The following FGF1 variants were observed in gnomAD, a reference collection of about 807,000 sequenced individuals.
FGF1 encodes fibroblast growth factor 1.
FGF1 carries 9 observed loss-of-function variants against 13.4 expected under a neutral mutation model. The observed-to-expected ratio is 0.67, with a 90% CI of 0.40 to 1.17. The LOEUF (loss-of-function observed/expected upper bound fraction) is 1.17. Among genes scored for constraint, FGF1 ranks in the 50% most tolerant of loss-of-function variants. The pLI is 0.01. For synonymous variants in FGF1, 93 were observed against 79.0 expected (o/e 1.18, Z -0.94); for missense variants, 156 against 192.7 (o/e 0.81, Z 1.13).
chr5:142,656,939 C>T (rs1356600081), intron 1 of FGF1, among the ~76,000 whole-genome samples: 4 of 151,592 alleles, frequency 2.6e-5, no homozygotes, highest in Non-Finnish European at 4.4e-5. Flanking sequence ...TTTTTTGGGA[C>T]AGAGTTTCGC....
rs145310840 is a variant in FGF1, at chr5:142,654,759, T to C, written c.-35+31198A>G. On this transcript the variant is annotated intron_variant, in intron 1 of 3. Transcript: ENST00000337706. ...GGAAGGAAACACTCCCTCTTTAGGG[T>C]TGGCTCCTTCCAGGGGCCAATCTCC... Among the ~76,000 whole-genome samples the C allele has an allele frequency of 3.6e-4, 55 of 152,248 alleles. No individual in the cohort carries two copies. In the East Asian group the frequency reaches 0.01, roughly 29 times the overall value.
At chr5:142,605,656 A>G (rs1310588867) in intron 2 of FGF1, among the ~76,000 whole-genome samples, 1 of 152,086 alleles carries the variant, frequency 6.6e-6, no homozygotes, top group Non-Finnish European at 1.5e-5. Flanking sequence ...TGCCGGTGAG[A>G]GTTCGTCTCA....
chr5:142,605,938 G>C (rs1038696252), intron 2 of FGF1, among the ~76,000 whole-genome samples: 4 of 152,118 alleles, frequency 2.6e-5, no homozygotes, highest in Non-Finnish European at 4.4e-5. Flanking sequence ...GTGGGGCCTT[G>C]GGAAGAGAGG....
chr5:142,600,579 T>C, intron 3 of FGF1, 123 bp downstream of exon 3: 2 of 731,000 alleles, frequency 2.7e-6, no homozygotes, highest in Non-Finnish European at 5.0e-6. Flanking sequence ...GTGGGAATCC[T>C]TCTGGAAAAA....
intron 2 of FGF1, among the ~76,000 whole-genome samples, chr5:142,605,963 A>G (rs1003405508): frequency 2.0e-5 from 3 of 152,156 alleles, no homozygotes; most frequent in Non-Finnish European, 4.4e-5. Flanking sequence ...GGCTGGCCAC[A>G]CAGCAGCAGC....
At chr5:142,625,831 A>G (rs1158014876) in intron 1 of FGF1, among the ~76,000 whole-genome samples, 1 of 152,246 alleles carries the variant, frequency 6.6e-6, no homozygotes, top group Non-Finnish European at 1.5e-5. Context: ...CCTGGCAAGG[A>G]CATTCCTTTC....
At chr5:142,637,468 T>C (rs1160419098) in intron 1 of FGF1, among the ~76,000 whole-genome samples, 2 of 151,826 alleles carry the variant, frequency 1.3e-5, no homozygotes, top group Admixed American at 1.3e-4. Context: ...TACAGGTGCC[T>C]GCCACCACAC....
chr5:142,597,388 A>G lies in FGF1; in HGVS notation c.274-1904T>C, dbSNP rs17223877. ...GGTGATTGGTTAAGTGGGTAAAAGA[A>G]TATCCGTACAGTAGAACCCAGTGCA... On this transcript the variant is annotated intron_variant, in intron 3 of 3. Transcript: ENST00000337706. 7.0e-3 allele frequency among the ~76,000 whole-genome samples: 1,064 copies of G among 152,322 alleles called. 3 individuals carry two copies. Among genetic ancestry groups the G allele is most frequent in the Middle Eastern group, 0.017 (5 of 294 alleles).
In FGF1 at chr5:142,666,293, C is replaced by CAG. The variant is rs1233275890; in HGVS notation, c.-35+19663_-35+19664insCT. Among the ~76,000 whole-genome samples the CAG allele has an allele frequency of 2.9e-3, 436 of 150,764 alleles. 8 individuals carry two copies. The highest frequency in any genetic ancestry group is 4.6e-3 in the Non-Finnish European group (311 of 67,366). On this transcript the variant is annotated intron_variant, in intron 1 of 3. Transcript: ENST00000337706. ...GGAGCATGTAATACACACACACACA[C>CAG]ACACACACACACACACACACACACA...
Position 142,692,574 on chromosome 5 carries a change from G to C in FGF1, c.-35+5048C>G, listed in dbSNP as rs539464736. On this transcript the variant is annotated intron_variant, in intron 2 of 4. Transcript: ENST00000407758. The stretch of plus-strand genomic sequence containing the variant: ...GTGTATGCAACATAACCCCAAGCAG[G>C]TTATGAAATATAGAAAGCCTACTGG... Among the ~76,000 whole-genome samples the C allele has an allele frequency of 4.6e-5, 7 of 151,960 alleles. No homozygotes were observed. In the East Asian group the frequency reaches 1.4e-3, roughly 29 times the overall value.
At chr5:142,665,291 C>T (rs185366813) in intron 1 of FGF1, among the ~76,000 whole-genome samples, 266 of 152,118 alleles carry the variant, frequency 1.7e-3, no homozygotes, top group African/African-American at 5.3e-3. Flanking sequence ...CCCTGCCCCT[C>T]GTCCACCCCC....
In FGF1 at chr5:142,620,821, G is replaced by A. The variant is rs557382654; in HGVS notation, c.-34-6660C>T. Among the ~76,000 whole-genome samples the A allele has an allele frequency of 6.0e-4, 92 of 152,296 alleles. 1 individual carries two copies. Among genetic ancestry groups the A allele is most frequent in the Non-Finnish European group, 1.0e-3 (68 of 68,020 alleles). On this transcript the variant is annotated intron_variant, in intron 1 of 3. Coordinates refer to ENST00000337706, the MANE Select transcript of FGF1 (RefSeq NM_000800.5). ...TATCAAAGATACATGGAGCATTTAC[G>A]AAAATTGACCATGTACCAGGTCATA...
intron 2 of FGF1, among the ~76,000 whole-genome samples, chr5:142,613,332 G>A (rs773659706): frequency 1.3e-5 from 2 of 152,236 alleles, no homozygotes; most frequent in Non-Finnish European, 2.9e-5. Flanking sequence ...CTGCCAGGAA[G>A]TCCTGGAAGA....
chr5:142,663,578 C>T (rs1769709719), intron 1 of FGF1, among the ~76,000 whole-genome samples: 1 of 152,144 alleles, frequency 6.6e-6, no homozygotes, highest in African/African-American at 2.4e-5. Flanking sequence ...GAAGATACTC[C>T]GTGATGACCC....
chr5:142,597,548 T>C (rs1755564317), intron 3 of FGF1, among the ~76,000 whole-genome samples: 1 of 152,234 alleles, frequency 6.6e-6, no homozygotes, highest in African/African-American at 2.4e-5. Flanking sequence ...TTTTGAACTT[T>C]CTATTCGTCA....
chr5:142,621,919 A>C (rs895208988), intron 1 of FGF1, among the ~76,000 whole-genome samples: 1 of 152,162 alleles, frequency 6.6e-6, no homozygotes, highest in Non-Finnish European at 1.5e-5. Flanking sequence ...TTCAACTCTC[A>C]ATTCCTCATG....
intron 2 of FGF1, among the ~76,000 whole-genome samples, chr5:142,612,271 A>G (rs2151866277): frequency 6.6e-6 from 1 of 152,322 alleles, no homozygotes; most frequent in Admixed American, 6.5e-5. Context: ...TAATGATGGA[A>G]TGGCAACAGT....
chr5:142,607,956 C>T (rs147352252), intron 2 of FGF1, among the ~76,000 whole-genome samples: 1 of 152,224 alleles, frequency 6.6e-6, no homozygotes. Context: ...TCCTCTGCTC[C>T]CCAAAGCCTT....
At chr5:142,601,397 C>T (rs935376003) in intron 2 of FGF1, among the ~76,000 whole-genome samples, 2 of 152,114 alleles carry the variant, frequency 1.3e-5, no homozygotes, top group African/African-American at 2.4e-5. Flanking sequence ...ATATGAAACT[C>T]GGGGAACTCC....
Sources: allele counts gnomAD v4.1 joint callset (sites outside exome capture counted in the v4.1 genomes callset), GRCh38; gene constraint gnomAD v4.1.1; transcripts MANE v1.5; gene names NCBI Gene and HGNC (gene_info 2026-07-23, HGNC 2026-07-21).